Variants in PRUNE2 observed in about 807,000 individuals in gnomAD.
The protein encoded by PRUNE2 is protein prune homolog 2.
Under a neutral mutation model 252.0 loss-of-function variants are expected in PRUNE2, and 164 were observed. The ratio of observed to expected loss-of-function variants is 0.65; its 90% confidence interval spans 0.57 to 0.74. The LOEUF is 0.74. Among genes scored for constraint, PRUNE2 ranks in the 30% least tolerant of loss-of-function variants. PRUNE2 has a pLI of 0.00. For synonymous variants in PRUNE2, 1,292 were observed against 1,350.2 expected (o/e 0.96, Z 0.94); for missense variants, 3,495 against 3,711.0 (o/e 0.94, Z 1.51).
Position 76,710,603 on chromosome 9 carries a change from C to G in PRUNE2, c.1671G>C (p.Gly557=), listed in dbSNP as rs746467459. 7 of 1,613,644 alleles carry G rather than the reference C, an allele frequency of 4.3e-6. No homozygotes were observed. In the South Asian group the frequency reaches 7.7e-5, roughly 18 times the overall value. Residue 557 remains glycine (G), a synonymous_variant, in exon 8 of 19, where the codon GGG becomes GGC. Transcript: ENST00000376718. The part of the protein sequence containing the change: ...SNYSSSSLLS[G]AGKDSLVEHD... ...GTTCCACAAGGCTATCTTTGCCAGC[C>G]CCTGACAAAAGTGAACTGGATGAAT... is the stretch of plus-strand genomic sequence containing the variant.
chr9:76,769,350 T>G (rs1169986263), intron 6 of PRUNE2, among the ~76,000 whole-genome samples: 1 of 152,232 alleles, frequency 6.6e-6, no homozygotes, highest in African/African-American at 2.4e-5. Context: ...TCCGTAGCAC[T>G]TCTTTGCATG....
intron 5 of PRUNE2, among the ~76,000 whole-genome samples, chr9:76,824,499 T>C (rs188524173): frequency 1.3e-5 from 2 of 152,332 alleles, no homozygotes; most frequent in Admixed American, 6.5e-5. Context: ...CAATAAGAGT[T>C]ATTAAATTCC....
Position 76,709,969 on chromosome 9 carries a change from A to G in PRUNE2, c.2305T>C (p.Trp769Arg). Residue 769 changes from tryptophan (W) to arginine (R), a missense_variant, in exon 8 of 19, where the codon TGG (tryptophan) becomes CGG (arginine). By Grantham distance (101) the Trp-to-Arg change is moderately radical. Coordinates refer to ENST00000376718, the MANE Select transcript of PRUNE2 (RefSeq NM_015225.3). ...NHLIEDFASL[W>R]HSGRSPTAMP... ...GCTGTGGGAGAGCGACCAGAATGCC[A>G]CAAAGAAGCAAAGTCTTCTATCAGG... is the stretch of plus-strand genomic sequence containing the variant. 1 of 1,613,730 alleles carries G rather than the reference A, an allele frequency of 6.2e-7. No individual in the cohort carries two copies. The highest frequency in any genetic ancestry group is 8.5e-7 in the Non-Finnish European group (1 of 1,179,800).
intron 9 of PRUNE2, among the ~76,000 whole-genome samples, chr9:76,665,075 C>T (rs527250175): frequency 3.9e-5 from 6 of 152,126 alleles, no homozygotes; most frequent in Admixed American, 2.6e-4. Flanking sequence ...TTACGATCGT[C>T]ATCCCTACCT....
In PRUNE2 at chr9:76,644,722, A is replaced by G; in HGVS notation, c.8728+17T>C. On this transcript the variant is annotated intron_variant, in intron 12 of 18. Coordinates refer to ENST00000376718, the MANE Select transcript of PRUNE2 (RefSeq NM_015225.3). ...TGCCCCTTCCCCATTTCCCAGATTC[A>G]TGCTGAGCTCGACTACCTCCGTGAG... The G allele has an allele frequency of 2.5e-6, 4 of 1,612,642 alleles. No individual in the cohort carries two copies. Among genetic ancestry groups the G allele is most frequent in the Non-Finnish European group, 2.5e-6 (3 of 1,178,768 alleles).
rs199657918 is a variant in PRUNE2 at position 76,709,432 on chromosome 9, C to T, written c.2842G>A (p.Asp948Asn). The T allele has an allele frequency of 2.2e-4, 353 of 1,613,870 alleles. No individual in the cohort carries two copies. Among genetic ancestry groups the T allele is most frequent in the Non-Finnish European group, 2.9e-4 (346 of 1,179,882 alleles). ...EDSFLSYKCS[D>N]YSASNLGEDS... ...TCTCCTAGGTTGGATGCACTGTAATCAGAACATTTGTAAGATAAGAAGGAA... is the reference window on the plus strand; with the variant it reads ...TCTCCTAGGTTGGATGCACTGTAATTAGAACATTTGTAAGATAAGAAGGAA... Residue 948 changes from aspartate to asparagine, a missense_variant, in exon 8 of 19, where the codon GAT (aspartate) becomes AAT (asparagine). Coordinates refer to ENST00000376718, the MANE Select transcript of PRUNE2 (RefSeq NM_015225.3).
In PRUNE2 at chr9:76,747,814, GAGA is replaced by G. The variant is rs775729775; in HGVS notation, c.757-34096_757-34094del. On this transcript the variant is annotated intron_variant, in intron 6 of 18. Transcript: ENST00000376718. ...CTCCACTTCTTTTTTTTTTTTTTTG[GAGA>G]AGAAGTCTTGCTCTGTCGCCCAGGC... Among the ~76,000 whole-genome samples, 604 of 145,348 alleles carry G rather than the reference GAGA, an allele frequency of 4.2e-3. 2 individuals carry two copies. Among genetic ancestry groups the G allele is most frequent in the Non-Finnish European group, 5.0e-3 (338 of 67,190 alleles).
In PRUNE2 at chr9:76,644,888, G is replaced by A; in HGVS notation, c.8579C>T (p.Ser2860Phe). ...TGHDPTANKD[S>F]GQESESIPEY... ...TGGAATAGACTCTGACTCTTGGCCA[G>A]AATCTTTGTTGGCTGTGGGATCTTC... The change falls in exon 12 of 19, where the codon TCT becomes TTT. Residue 2860 changes from serine to phenylalanine, a missense_variant. Transcript: ENST00000376718. The A allele has an allele frequency of 6.2e-7, 1 of 1,613,670 alleles. No homozygotes were observed.
At chr9:76,681,445 A>C (rs2043422428) in intron 9 of PRUNE2, among the ~76,000 whole-genome samples, 1 of 143,738 alleles carries the variant, frequency 7.0e-6, no homozygotes, top group Non-Finnish European at 1.5e-5. Flanking sequence ...GTTTCTTACC[A>C]CGATTAAAAA....
chr9:76,905,492 T>A (rs1564542036), intron 1 of PRUNE2, among the ~76,000 whole-genome samples: 1 of 152,266 alleles, frequency 6.6e-6, no homozygotes, highest in Non-Finnish European at 1.5e-5. Flanking sequence ...CCCAGCACCC[T>A]GACTTCCTCA....
chr9:76,891,039 C>T (rs1460115650), intron 1 of PRUNE2, among the ~76,000 whole-genome samples: 2 of 152,290 alleles, frequency 1.3e-5, no homozygotes, highest in East Asian at 3.9e-4. Flanking sequence ...CTTTGTCATG[C>T]TATGGTGATA....
intron 6 of PRUNE2, among the ~76,000 whole-genome samples, chr9:76,793,612 G>A (rs1326867064): frequency 1.3e-5 from 2 of 152,116 alleles, no homozygotes; most frequent in African/African-American, 4.8e-5. Context: ...CAGGAACTCT[G>A]GGCATCATTT....
Position 76,653,780 on chromosome 9 carries a change from CT to C in PRUNE2, c.8357-1098del, listed in dbSNP as rs536666026. On this transcript the variant is annotated intron_variant, in intron 10 of 18. Transcript: ENST00000376718. ...TTGAACTCACCCAAGCAGTCACCAG[CT>C]CTTATGCCAATCTCGCTTGACATTG... is the stretch of plus-strand genomic sequence containing the variant. Among the ~76,000 whole-genome samples the C allele has an allele frequency of 1.3e-4, 20 of 152,194 alleles. No individual in the cohort carries two copies. The East Asian group carries it at 3.9e-3, about 29-fold the overall frequency.
intron 16 of PRUNE2, among the ~76,000 whole-genome samples, chr9:76,628,276 A>T (rs771797059): frequency 6.6e-6 from 1 of 152,158 alleles, no homozygotes; most frequent in Admixed American, 6.5e-5. Context: ...ATTTTATCCT[A>T]GTTTTTGTAG....
chr9:76,689,053 G>A (rs1016207495), intron 9 of PRUNE2, among the ~76,000 whole-genome samples: 4 of 152,192 alleles, frequency 2.6e-5, no homozygotes, highest in East Asian at 1.9e-4. Flanking sequence ...GAGCCCCACC[G>A]TTGTGTAATC....
chr9:76,623,296 G>A (rs1400315747), intron 17 of PRUNE2, among the ~76,000 whole-genome samples: 4 of 147,408 alleles, frequency 2.7e-5, no homozygotes, highest in Non-Finnish European at 4.5e-5. Context: ...GAGAATGACT[G>A]GATTTTTTTT....
chr9:76,882,119 CTCTAA>C (rs771588816), intron 1 of PRUNE2, among the ~76,000 whole-genome samples: 222 of 152,146 alleles, frequency 1.5e-3, no homozygotes, highest in Non-Finnish European at 1.9e-3. Context: ...AGAAAAATCT[CTCTAA>C]TCTAATGTGG....
intron 9 of PRUNE2, among the ~76,000 whole-genome samples, chr9:76,702,773 T>C (rs1427989135): frequency 6.6e-6 from 1 of 152,148 alleles, no homozygotes; most frequent in African/African-American, 2.4e-5. Flanking sequence ...TGCCTTGTAT[T>C]TGAAAATATG....
At chr9:76,634,539 T>C (rs1824060561) in intron 15 of PRUNE2, among the ~76,000 whole-genome samples, 1 of 152,192 alleles carries the variant, frequency 6.6e-6, no homozygotes, top group African/African-American at 2.4e-5. Context: ...ACCATGACCA[T>C]ATAAGGCAAA....
Sources: allele counts gnomAD v4.1 joint callset (sites outside exome capture counted in the v4.1 genomes callset), GRCh38; gene constraint gnomAD v4.1.1; transcripts MANE v1.5; gene names NCBI Gene and HGNC (gene_info 2026-07-23, HGNC 2026-07-21).